WWOX: variants seen among roughly 807,000 people sequenced by gnomAD.
WWOX encodes WW domain-containing oxidoreductase.
A neutral mutation model predicts 46.2 loss-of-function variants in WWOX; 69 were observed. That is an observed-to-expected ratio of 1.49 (90% confidence interval 1.23 to 1.82). The LOEUF is 1.82. Among genes scored for constraint, WWOX ranks in the 40% most tolerant of loss-of-function variants. The pLI is 0.00. For missense variants in WWOX, 919 were observed against 542.6 expected (o/e 1.69, Z -6.89); for synonymous variants, 359 against 202.6 (o/e 1.77, Z -6.56).
intron 5 of WWOX, among the ~76,000 whole-genome samples, chr16:78,364,048 C>A (rs1426024670): frequency 6.6e-6 from 1 of 152,202 alleles, no homozygotes; most frequent in Admixed American, 6.5e-5. Context: ...GCCACATCCC[C>A]CCACTCAGTC....
intron 5 of WWOX, among the ~76,000 whole-genome samples, chr16:78,337,321 A>G (rs141947468): frequency 1.1e-4 from 16 of 152,284 alleles, no homozygotes; most frequent in African/African-American, 3.1e-4. Context: ...GTAATTGAGT[A>G]TATAGTACAT....
At chr16:78,424,646 A>G (rs2151959733) in intron 6 of WWOX, among the ~76,000 whole-genome samples, 1 of 152,304 alleles carries the variant, frequency 6.6e-6, no homozygotes, top group African/African-American at 2.4e-5. Context: ...ATCCTCAGCA[A>G]CGGAGGACAG....
rs557220394 is a variant in WWOX at position 78,236,494 on chromosome 16, C to T, written c.516+72205C>T. Among the ~76,000 whole-genome samples the T allele has an allele frequency of 5.3e-5, 8 of 152,286 alleles. No individual in the cohort carries two copies. The South Asian group carries it at 1.0e-3, about 20-fold the overall frequency. On this transcript the variant is annotated intron_variant, in intron 5 of 8. Coordinates refer to ENST00000566780, the MANE Select transcript of WWOX (RefSeq NM_016373.4). ...CTTTCCATGTCAGGGACACCTTTCA[C>T]GTGGCCATTTTAAGCACAGGAATTG...
intron 4 of WWOX, among the ~76,000 whole-genome samples, chr16:78,137,796 A>G (rs1263760431): frequency 7.3e-6 from 1 of 136,500 alleles, no homozygotes; most frequent in Non-Finnish European, 1.7e-5. Context: ...TCAACAGATA[A>G]TAAAAGTTTT....
intron 5 of WWOX, among the ~76,000 whole-genome samples, chr16:78,302,864 G>C (rs969031979): frequency 6.6e-6 from 1 of 152,152 alleles, no homozygotes; most frequent in African/African-American, 2.4e-5. Flanking sequence ...CAAACCTTTG[G>C]CTTTGGTTTG....
chr16:78,156,813 G>C (rs897779592), intron 4 of WWOX, among the ~76,000 whole-genome samples: 1 of 152,136 alleles, frequency 6.6e-6, no homozygotes, highest in South Asian at 2.1e-4. Flanking sequence ...AATCCCAGTT[G>C]CTGGGGAGAC....
chr16:78,751,772 AGGAG>A (rs2049486829), intron 8 of WWOX, among the ~76,000 whole-genome samples: 2 of 151,082 alleles, frequency 1.3e-5, no homozygotes, highest in South Asian at 2.1e-4. Flanking sequence ...GAAGGGAAGA[AGGAG>A]GGAGGGAGGG....
At chr16:78,186,549 TG>T (rs545744402) in intron 5 of WWOX, among the ~76,000 whole-genome samples, 48 of 152,236 alleles carry the variant, frequency 3.2e-4, no homozygotes, top group African/African-American at 1.2e-3. Context: ...GGATCACTTG[TG>T]GTCAGGAGTT....
At chr16:78,369,501 C>G (rs1163791612) in intron 5 of WWOX, among the ~76,000 whole-genome samples, 1 of 152,166 alleles carries the variant, frequency 6.6e-6, no homozygotes, top group South Asian at 2.1e-4. Context: ...TCCTCAGGCA[C>G]AACATGCAAC....
chr16:78,894,903 G>C (rs942797013), intron 8 of WWOX, among the ~76,000 whole-genome samples: 4 of 152,160 alleles, frequency 2.6e-5, no homozygotes, highest in Non-Finnish European at 5.9e-5. Flanking sequence ...TTTTCAATCA[G>C]AAATTATCTG....
chr16:79,139,926 C>T (rs2050056973), intron 8 of WWOX, among the ~76,000 whole-genome samples: 1 of 152,222 alleles, frequency 6.6e-6, no homozygotes, highest in African/African-American at 2.4e-5. Context: ...AGTTGTAATT[C>T]TCCAAATACG....
intron 8 of WWOX, among the ~76,000 whole-genome samples, chr16:78,822,827 G>GTAAT (rs938837253): frequency 6.6e-6 from 1 of 151,990 alleles, no homozygotes; most frequent in Non-Finnish European, 1.5e-5. Context: ...AAATTGAAAG[G>GTAAT]TAATTCCTAA....
chr16:79,068,650 CAAA>C (rs944154860), intron 8 of WWOX, among the ~76,000 whole-genome samples: 1 of 147,906 alleles, frequency 6.8e-6, no homozygotes, highest in African/African-American at 2.4e-5. Context: ...ACAACAACAA[CAAA>C]AAAAAAAATT....
chr16:78,964,604 T>C (rs4888888), intron 8 of WWOX, among the ~76,000 whole-genome samples: 93,111 of 152,190 alleles, frequency 0.61, 32,518 homozygotes, highest in Non-Finnish European at 0.8. Context: ...GATTGTGCGA[T>C]AGAAAAGAAA....
rs2051764194 is a variant in WWOX at position 79,211,775 on chromosome 16, G to C, written c.1224G>C (p.Arg408=). Residue 408 remains arginine, a synonymous_variant, in exon 9 of 9, where the codon CGG becomes CGC. Transcript: ENST00000566780. ...TCAGCGAGAGGCTGATCCAAGAACG[G>C]CTTGGCAGCCAGTCCGGCTAAGTGG... ...WALSERLIQE[R]LGSQSG The C allele has an allele frequency of 5.0e-6, 8 of 1,614,008 alleles. No homozygotes were observed. Among genetic ancestry groups the C allele is most frequent in the Non-Finnish European group, 5.9e-6 (7 of 1,179,980 alleles).
At chr16:78,337,131 C>G (rs972004315) in intron 5 of WWOX, among the ~76,000 whole-genome samples, 1 of 152,140 alleles carries the variant, frequency 6.6e-6, no homozygotes, top group Non-Finnish European at 1.5e-5. Flanking sequence ...TTTTTAAACA[C>G]TCTGCAGTTC....
intron 8 of WWOX, among the ~76,000 whole-genome samples, chr16:78,510,118 T>A (rs2085325371): frequency 6.6e-6 from 1 of 152,146 alleles, no homozygotes; most frequent in African/African-American, 2.4e-5. Flanking sequence ...AAATATTCCT[T>A]CAGTGTATTA....
chr16:78,328,046 G>A (rs149298502), intron 5 of WWOX, among the ~76,000 whole-genome samples: 1 of 151,918 alleles, frequency 6.6e-6, no homozygotes, highest in African/African-American at 2.4e-5. Context: ...TGGCTAATTT[G>A]TATTTTTAGT....
At chr16:78,404,174 C>T (rs1018492272) in intron 6 of WWOX, among the ~76,000 whole-genome samples, 7 of 152,006 alleles carry the variant, frequency 4.6e-5, no homozygotes, top group Admixed American at 1.3e-4. Context: ...GAGGGAGGGA[C>T]TCGGGGGTTT....
Sources: allele counts gnomAD v4.1 joint callset (sites outside exome capture counted in the v4.1 genomes callset), GRCh38; gene constraint gnomAD v4.1.1; transcripts MANE v1.5; gene names NCBI Gene and HGNC (gene_info 2026-07-23, HGNC 2026-07-21).